The following PPHLN1 variants were observed in gnomAD, a reference collection of about 807,000 sequenced individuals.
PPHLN1 encodes the protein periphilin 1, also known as periphilin-1.
In PPHLN1, 29 loss-of-function variants were observed where a neutral mutation model predicts 51.3. The ratio of observed to expected loss-of-function variants is 0.57; its 90% CI spans 0.42 to 0.77. The LOEUF (loss-of-function observed/expected upper bound fraction) is 0.77. PPHLN1 is among the 30% of genes least tolerant of loss of function. The pLI is 0.00. For synonymous variants in PPHLN1, 147 were observed against 147.8 expected (o/e 0.99, Z 0.04); for missense variants, 436 against 438.4 (o/e 0.99, Z 0.05).
chr12:42,416,152 G>T (rs118059274), intron 9 of PPHLN1, among the ~76,000 whole-genome samples: 1 of 152,142 alleles, frequency 6.6e-6, no homozygotes, highest in Non-Finnish European at 1.5e-5. Flanking sequence ...CATCTTACAT[G>T]TGTATTTTTA....
intron 4 of PPHLN1, among the ~76,000 whole-genome samples, chr12:42,356,773 A>G (rs1363054085): frequency 6.6e-6 from 1 of 152,222 alleles, no homozygotes; most frequent in Non-Finnish European, 1.5e-5. Context: ...AATTAGAAAC[A>G]TTTGCTTTAA....
chr12:42,394,749 C>T (rs2078049293), intron 8 of PPHLN1, among the ~76,000 whole-genome samples: 1 of 152,020 alleles, frequency 6.6e-6, no homozygotes, highest in Non-Finnish European at 1.5e-5. Flanking sequence ...GCTGTTCCTT[C>T]TTGGTACTTT....
chr12:42,374,477 T>C (rs1319315016), intron 4 of PPHLN1, among the ~76,000 whole-genome samples: 2 of 152,102 alleles, frequency 1.3e-5, no homozygotes, highest in Non-Finnish European at 2.9e-5. Context: ...TCTCGCTCTG[T>C]TGCCCAGGCT....
At chr12:42,352,764 C>T (rs1216121409) in intron 3 of PPHLN1, among the ~76,000 whole-genome samples, 2 of 152,160 alleles carry the variant, frequency 1.3e-5, no homozygotes, top group East Asian at 1.9e-4. Flanking sequence ...GATTAGAAAG[C>T]ACTCAAAACA....
intron 4 of PPHLN1, among the ~76,000 whole-genome samples, chr12:42,367,301 T>C (rs536993885): frequency 7.9e-5 from 12 of 152,308 alleles, no homozygotes; most frequent in Admixed American, 2.6e-4. Flanking sequence ...TAGGTACTAG[T>C]GCACATGATG....
intron 4 of PPHLN1, chr12:42,361,204 A>G (rs914359062): frequency 2.0e-5 from 3 of 152,502 alleles, no homozygotes; most frequent in African/African-American, 7.2e-5. Flanking sequence ...CTTGCTCTCC[A>G]CCATGTGAGG....
At chr12:42,332,819 G>A (rs1399711788) in intron 1 of PPHLN1, 13 of 523,852 alleles carry the variant, frequency 2.5e-5, no homozygotes, top group South Asian at 4.4e-5. Flanking sequence ...AACTCTTATT[G>A]TTTATTTTTC....
intron 3 of PPHLN1, among the ~76,000 whole-genome samples, chr12:42,352,608 C>T (rs1446509044): frequency 6.6e-6 from 1 of 150,460 alleles, no homozygotes; most frequent in Non-Finnish European, 1.5e-5. Context: ...CAGGGTTTCA[C>T]CATGTTGGCC....
chr12:42,353,791 C>T (rs2073699547), intron 3 of PPHLN1, among the ~76,000 whole-genome samples: 1 of 152,078 alleles, frequency 6.6e-6, no homozygotes, highest in Non-Finnish European at 1.5e-5. Flanking sequence ...TTCATTGGAC[C>T]AGTTTGTATT....
intron 2 of PPHLN1, among the ~76,000 whole-genome samples, chr12:42,348,362 T>C (rs4603368): frequency 0.28 from 40,915 of 146,150 alleles, 7,120 homozygotes; most frequent in Non-Finnish European, 0.38. Flanking sequence ...CCTCAAGTGC[T>C]CCACCTGCCT....
chr12:42,392,444 A>G (rs1435873221), intron 7 of PPHLN1, among the ~76,000 whole-genome samples: 1 of 152,210 alleles, frequency 6.6e-6, no homozygotes, highest in East Asian at 1.9e-4. Flanking sequence ...ACTGTCATCC[A>G]CAAGAGGTAT....
At chr12:42,361,912 A>C (rs2074736351) in intron 4 of PPHLN1, among the ~76,000 whole-genome samples, 1 of 152,174 alleles carries the variant, frequency 6.6e-6, no homozygotes, top group Non-Finnish European at 1.5e-5. Context: ...GAATTACTGA[A>C]TCATATGGTA....
At chr12:42,420,511 C>T (rs868270315) in intron 9 of PPHLN1, among the ~76,000 whole-genome samples, 2 of 151,118 alleles carry the variant, frequency 1.3e-5, no homozygotes, top group Middle Eastern at 6.8e-3. Flanking sequence ...CTTTCTTGCG[C>T]AGGCTAGGGA....
Position 42,403,469 on chromosome 12 carries a change from A to G in PPHLN1, c.909+4475A>G, listed in dbSNP as rs191100395. Among the ~76,000 whole-genome samples the G allele has an allele frequency of 4.2e-3, 640 of 152,336 alleles. 2 individuals are homozygous for G. The highest frequency in any genetic ancestry group is 6.6e-3 in the Non-Finnish European group (450 of 68,010). Reference sequence around the variant, plus strand: ...TACTGCAGAAGCTTGTTGAAGTAAAAGTATAAAGTTTTTATTTTAAGAGAA... The same window carrying G: ...TACTGCAGAAGCTTGTTGAAGTAAAGGTATAAAGTTTTTATTTTAAGAGAA... On this transcript the variant is annotated intron_variant, in intron 9 of 9. Transcript: ENST00000358314.
chr12:42,342,979 T>C (rs940633834), intron 2 of PPHLN1, among the ~76,000 whole-genome samples: 1 of 152,206 alleles, frequency 6.6e-6, no homozygotes, highest in African/African-American at 2.4e-5. Flanking sequence ...ATAAATCCTT[T>C]AGTAAATCCA....
intron 9 of PPHLN1, among the ~76,000 whole-genome samples, chr12:42,419,175 A>T (rs2080755006): frequency 6.6e-6 from 1 of 152,196 alleles, no homozygotes. Flanking sequence ...GCTCATTAAT[A>T]GTTTAAATTC....
downstream of PPHLN1, chr12:42,446,218 AAC>A (rs2083314585): frequency 1.2e-6 from 2 of 1,612,770 alleles, no homozygotes; most frequent in Non-Finnish European, 1.7e-6. Context: ...TCCTGCTCCG[AAC>A]ACAGACACCA....
At chr12:42,416,583 C>T (rs921922915) in intron 9 of PPHLN1, among the ~76,000 whole-genome samples, 70 of 152,288 alleles carry the variant, frequency 4.6e-4, no homozygotes, top group Middle Eastern at 3.4e-3. Context: ...TAGAACAACT[C>T]ACGGAATTCA....
At chr12:42,355,701 A>T (rs2073962415) in intron 4 of PPHLN1, 1 of 151,862 alleles carries the variant, frequency 6.6e-6, no homozygotes, top group Middle Eastern at 3.4e-3. Flanking sequence ...CAGTGAGCTG[A>T]GATCGTGCAG....
Sources: gnomAD v4.1 joint callset for allele counts (sites outside exome capture counted in the v4.1 genomes callset) on GRCh38, gnomAD v4.1.1 for gene constraint, MANE v1.5 for transcripts, NCBI Gene and HGNC (gene_info 2026-07-23, HGNC 2026-07-21) for gene names.